Variants in FGF12 observed in about 807,000 individuals in gnomAD.
FGF12 encodes the protein fibroblast growth factor 12.
In FGF12, 14 loss-of-function variants were observed where a neutral mutation model predicts 23.6. The ratio of observed to expected loss-of-function variants is 0.59; its 90% CI spans 0.39 to 0.93. FGF12 has a LOEUF of 0.93. Ranked by LOEUF, FGF12 falls within the 40% of genes least tolerant of loss-of-function variation. The pLI, the probability that FGF12 is intolerant of heterozygous loss-of-function variation, is 0.00. For synonymous variants in FGF12, 62 were observed against 77.3 expected, an observed-to-expected ratio of 0.80 and a Z score of 1.04; for missense variants, 175 against 217.8, an observed-to-expected ratio of 0.80 and a Z score of 1.24.
intron 4 of FGF12, among the ~76,000 whole-genome samples, chr3:192,191,979 T>G: frequency 6.6e-6 from 1 of 152,220 alleles, no homozygotes; most frequent in South Asian, 2.1e-4. Context: ...TTTTATGTGT[T>G]TGTCACATAG....
intron 3 of FGF12, among the ~76,000 whole-genome samples, chr3:192,357,803 G>T (rs1428291752): frequency 6.6e-6 from 1 of 152,146 alleles, no homozygotes; most frequent in Non-Finnish European, 1.5e-5. Context: ...CAGAAAGTGG[G>T]ATATGAAAAT....
chr3:192,204,885 T>A (rs1717566514), intron 4 of FGF12, among the ~76,000 whole-genome samples: 2 of 151,030 alleles, frequency 1.3e-5, no homozygotes, highest in South Asian at 4.2e-4. Flanking sequence ...TGAGACTCCA[T>A]CTCAAAAAGA....
At chr3:192,540,690 G>C (rs1409839070) in intron 2 of FGF12, among the ~76,000 whole-genome samples, 2 of 152,056 alleles carry the variant, frequency 1.3e-5, no homozygotes, top group African/African-American at 4.8e-5. Flanking sequence ...ATGTTTCCTT[G>C]CTAATTTTCC....
intron 5 of FGF12, among the ~76,000 whole-genome samples, chr3:192,157,811 C>T (rs1308603819): frequency 6.6e-6 from 1 of 152,182 alleles, no homozygotes; most frequent in Non-Finnish European, 1.5e-5. Context: ...GAGTACTCTC[C>T]TATTAAGCAT....
At chr3:192,675,235 G>A (rs1374848621) in intron 2 of FGF12, among the ~76,000 whole-genome samples, 1 of 151,816 alleles carries the variant, frequency 6.6e-6, no homozygotes, top group Non-Finnish European at 1.5e-5. Context: ...ATGCACTGTG[G>A]CCAATGACAG....
At chr3:192,520,014 A>G (rs1039019400) in intron 2 of FGF12, among the ~76,000 whole-genome samples, 2 of 152,156 alleles carry the variant, frequency 1.3e-5, no homozygotes, top group African/African-American at 4.8e-5. Context: ...CCTGGATTCA[A>G]ATGATTGCCA....
chr3:192,167,605 A>C (rs1219726944), intron 5 of FGF12, among the ~76,000 whole-genome samples: 2 of 151,034 alleles, frequency 1.3e-5, no homozygotes, highest in Admixed American at 6.6e-5. Context: ...TGTTGTGTGA[A>C]GACAACCTTA....
At chr3:192,450,692 TG>T (rs1281764241) in intron 2 of FGF12, among the ~76,000 whole-genome samples, 1 of 152,184 alleles carries the variant, frequency 6.6e-6, no homozygotes, top group East Asian at 1.9e-4. Context: ...TGAATAAAAA[TG>T]TAACAGTTTC....
At chr3:192,404,468 A>G (rs1221462455) in intron 2 of FGF12, among the ~76,000 whole-genome samples, 3 of 152,198 alleles carry the variant, frequency 2.0e-5, no homozygotes, top group Admixed American at 1.3e-4. Flanking sequence ...GTTTCTACTC[A>G]AAATAAAGCT....
intron 2 of FGF12, among the ~76,000 whole-genome samples, chr3:192,387,467 T>A (rs2108758244): frequency 6.6e-6 from 1 of 152,344 alleles, no homozygotes; most frequent in Admixed American, 6.5e-5. Context: ...TATGCTTCAA[T>A]AATTTTTAGT....
intron 4 of FGF12, among the ~76,000 whole-genome samples, chr3:192,235,962 T>G (rs766214542): frequency 6.6e-6 from 1 of 152,206 alleles, no homozygotes; most frequent in Non-Finnish European, 1.5e-5. Flanking sequence ...GTTGTTAATT[T>G]CAGATCTTTC....
chr3:192,638,406 A>C (rs184912106), intron 2 of FGF12, among the ~76,000 whole-genome samples: 3 of 152,258 alleles, frequency 2.0e-5, no homozygotes, highest in African/African-American at 7.2e-5. Context: ...ATACTACTCA[A>C]TTGTGTAAAG....
At chr3:192,694,830 A>G (rs2108724422) in intron 2 of FGF12, among the ~76,000 whole-genome samples, 1 of 152,212 alleles carries the variant, frequency 6.6e-6, no homozygotes, top group South Asian at 2.1e-4. Flanking sequence ...AAACAGTCAA[A>G]TACATAGAAA....
chr3:192,608,869 C>T (rs950240230), intron 2 of FGF12, among the ~76,000 whole-genome samples: 2 of 152,014 alleles, frequency 1.3e-5, no homozygotes, highest in African/African-American at 2.4e-5. Flanking sequence ...TTACCAGCTC[C>T]GAAATATTTA....
chr3:192,381,071 T>G (rs1313740212), intron 2 of FGF12, among the ~76,000 whole-genome samples: 2 of 152,018 alleles, frequency 1.3e-5, no homozygotes, highest in Non-Finnish European at 2.9e-5. Context: ...CAAAACACAC[T>G]GTGTATTTTG....
chr3:192,358,098 CTT>C (rs142085504), intron 3 of FGF12, among the ~76,000 whole-genome samples: 10,344 of 151,810 alleles, frequency 0.068, 556 homozygotes, highest in Non-Finnish European at 0.096. Context: ...AATGTTCTAA[CTT>C]ATAAAATATT....
rs1350518779 is a variant in FGF12, at chr3:192,360,696, T to C, written c.14-158A>G. 6.5e-6 allele frequency: 3 copies of C among 461,420 alleles called. No individual in the cohort carries two copies. Among genetic ancestry groups the C allele is most frequent in the South Asian group, 3.0e-5 (1 of 32,954 alleles). The allele number at this position is 461,420 out of a possible 1,614,324, so 28.6% of individuals were successfully genotyped here. On this transcript the variant is annotated intron_variant, in intron 2 of 5. Coordinates refer to ENST00000445105, the MANE Select transcript of FGF12 (RefSeq NM_004113.6). The surrounding 1 kb of genome is among the most constrained non-coding windows in gnomAD (Gnocchi z 4.3). ...GGGTGTTTCAGTAACATATCTATGC[T>C]TTTTTTTTTCCATTTAGAGGTAGAG...
chr3:192,195,728 A>G (rs1717032451), intron 4 of FGF12, among the ~76,000 whole-genome samples: 1 of 152,130 alleles, frequency 6.6e-6, no homozygotes, highest in African/African-American at 2.4e-5. Flanking sequence ...GTGTATATAT[A>G]TGTATGTATG....
intron 4 of FGF12, among the ~76,000 whole-genome samples, chr3:192,333,200 C>A (rs1443335211): frequency 1.3e-5 from 2 of 152,102 alleles, no homozygotes; most frequent in African/African-American, 4.8e-5. Flanking sequence ...CTCCTGCTTA[C>A]AATACTGTTG....
Sources: allele counts gnomAD v4.1 joint callset (sites outside exome capture counted in the v4.1 genomes callset), GRCh38; gene constraint gnomAD v4.1.1; non-coding constraint Gnocchi (gnomAD v3.1); transcripts MANE v1.5; gene names NCBI Gene and HGNC (gene_info 2026-07-23, HGNC 2026-07-21).